The following RASA3 variants were observed in gnomAD, a reference collection of about 807,000 sequenced individuals.
RASA3 encodes the protein RAS p21 protein activator 3, also known as ras GTPase-activating protein 3.
RASA3 carries 73 observed loss-of-function variants against 110.0 expected under a neutral mutation model. That is an observed-to-expected ratio of 0.66 (90% CI 0.55 to 0.81). The LOEUF is 0.81. Ranked by LOEUF, RASA3 falls within the 30% of genes least tolerant of loss-of-function variation. The pLI is 0.00. For synonymous variants in RASA3, 500 were observed against 451.4 expected (o/e 1.11, Z -1.37); for missense variants, 976 against 1,113.2 (o/e 0.88, Z 1.75).
intron 1 of RASA3, among the ~76,000 whole-genome samples, chr13:114,120,722 G>A (rs1345670934): frequency 6.6e-6 from 1 of 152,248 alleles, no homozygotes; most frequent in African/African-American, 2.4e-5. Context: ...AGATAACACG[G>A]AAAGGGACTT....
At chr13:114,131,181 G>A (rs2080513043) in intron 1 of RASA3, among the ~76,000 whole-genome samples, 1 of 152,216 alleles carries the variant, frequency 6.6e-6, no homozygotes, top group South Asian at 2.1e-4. Context: ...GAAACAGCCC[G>A]CTGGTTTAGG....
In RASA3 at chr13:114,011,849, G is replaced by A. The variant is rs1250546359; in HGVS notation, c.1513-601C>T. On this transcript the variant is annotated intron_variant, in intron 15 of 23. Coordinates refer to ENST00000334062, the MANE Select transcript of RASA3 (RefSeq NM_007368.4). The surrounding 1 kb of genome is among the most constrained non-coding windows in gnomAD (Gnocchi z 4.8). ...ACGCACGAGAATTGCTTGAACCCAG[G>A]AGGCAGAGGTTGCAGTGAGCTGAGA... Among the ~76,000 whole-genome samples, 1 of 152,066 alleles carries A rather than the reference G, an allele frequency of 6.6e-6. No homozygotes were observed. Among genetic ancestry groups the A allele is most frequent in the African/African-American group, 2.4e-5 (1 of 41,374 alleles).
Position 114,007,973 on chromosome 13 carries a change from C to T in RASA3, c.1669-367G>A, listed in dbSNP as rs74364735. Among the ~76,000 whole-genome samples, 719 of 116,910 alleles carry T rather than the reference C, an allele frequency of 6.2e-3. 18 individuals are homozygous for T. The highest frequency in any genetic ancestry group is 0.011 in the Non-Finnish European group (572 of 54,020). The allele number at this position is 116,910 out of a possible 152,430, so 76.7% of individuals were successfully genotyped here. ...AGCCCTGGGGCCTGGAGGTTGCCCC[C>T]ACGCACCGCGTTCCTGACTGTGGGG... On this transcript the variant is annotated intron_variant, in intron 17 of 23. Coordinates refer to ENST00000334062, the MANE Select transcript of RASA3 (RefSeq NM_007368.4).
chr13:114,026,173 C>T (rs751226379), intron 7 of RASA3, among the ~76,000 whole-genome samples: 2 of 152,220 alleles, frequency 1.3e-5, no homozygotes, highest in African/African-American at 2.4e-5. Context: ...ACACTGCAAG[C>T]GTGATGAGCA....
At chr13:114,037,090 C>T (rs765583681) in intron 4 of RASA3, among the ~76,000 whole-genome samples, 38 of 152,308 alleles carry the variant, frequency 2.5e-4, no homozygotes, top group South Asian at 1.0e-3. Flanking sequence ...GAGAGTCAGG[C>T]TTGGAGGACG....
In RASA3 at chr13:114,073,893, T is replaced by G. The variant is rs2079622908; in HGVS notation, c.56-56A>C. On this transcript the variant is annotated intron_variant, in intron 1 of 23. Transcript: ENST00000334062. ...CAGCGTAGAAATGTTTGTTCCCTGCTACATCGCAGACACGTTTCCAGCCTT... is the reference window on the plus strand; with the variant it reads ...CAGCGTAGAAATGTTTGTTCCCTGCGACATCGCAGACACGTTTCCAGCCTT... The G allele has an allele frequency of 2.1e-6, 3 of 1,405,890 alleles. No homozygotes were observed. In the African/African-American group the frequency reaches 4.2e-5, roughly 20 times the overall value. 87.1% of individuals were successfully genotyped at this position (1,405,890 alleles called of 1,614,324 possible).
intron 1 of RASA3, among the ~76,000 whole-genome samples, chr13:114,106,832 G>A (rs1057101916): frequency 2.0e-5 from 3 of 152,184 alleles, no homozygotes; most frequent in Non-Finnish European, 4.4e-5. Flanking sequence ...TATATGCTGC[G>A]TCCCATTTAG....
chr13:114,080,694 A>ACTGAAACAGGGGTCTCCCCCAGGGGCCC (rs2079771205), intron 1 of RASA3, among the ~76,000 whole-genome samples: 1 of 151,864 alleles, frequency 6.6e-6, no homozygotes, highest in Non-Finnish European at 1.5e-5. Context: ...CCCAGGGGCC[A>ACTGAAACAGGGGTCTCCCCCAGGGGCCC]CTGAAACAGG....
At chr13:114,093,887 G>T (rs888989615) in intron 1 of RASA3, among the ~76,000 whole-genome samples, 3 of 151,764 alleles carry the variant, frequency 2.0e-5, no homozygotes, top group Non-Finnish European at 4.4e-5. Flanking sequence ...TCTGCTCTAA[G>T]ATTTCCATTT....
intron 3 of RASA3, among the ~76,000 whole-genome samples, chr13:114,043,213 G>A (rs1280943291): frequency 6.6e-6 from 1 of 152,220 alleles, no homozygotes; most frequent in African/African-American, 2.4e-5. Flanking sequence ...ACATGATGGA[G>A]CACCACATGG....
intron 3 of RASA3, among the ~76,000 whole-genome samples, chr13:114,041,357 G>A (rs2054402814): frequency 6.6e-6 from 1 of 152,266 alleles, no homozygotes; most frequent in South Asian, 2.1e-4. Flanking sequence ...TGGTGGCACT[G>A]TATCTCTAAA....
chr13:114,011,918 C>G lies in RASA3; in HGVS notation c.1513-670G>C, dbSNP rs1196369601. ...GCCTGGTGACAGAGCAAGACTCTGT[C>G]TCAAAAAAAAAGAAGTGCTGGGGAA... On this transcript the variant is annotated intron_variant, in intron 15 of 23. Transcript: ENST00000334062. This position sits in a 1 kb window ranked among gnomAD's most constrained non-coding sequence, Gnocchi z 4.8. Among the ~76,000 whole-genome samples, 1 of 151,138 alleles carries G rather than the reference C, an allele frequency of 6.6e-6. No individual in the cohort carries two copies. The highest frequency in any genetic ancestry group is 1.5e-5 in the Non-Finnish European group (1 of 67,798).
At chr13:114,087,454 C>T (rs1013000738) in intron 1 of RASA3, among the ~76,000 whole-genome samples, 6 of 152,232 alleles carry the variant, frequency 3.9e-5, no homozygotes, top group African/African-American at 1.2e-4. Flanking sequence ...CAGGAGTCCA[C>T]GCAGAGACCT....
chr13:114,071,563 T>C (rs1174425790), intron 2 of RASA3, among the ~76,000 whole-genome samples: 1 of 152,228 alleles, frequency 6.6e-6, no homozygotes. Flanking sequence ...TCCCATTTTC[T>C]TCAGAAGAAT....
intron 3 of RASA3, among the ~76,000 whole-genome samples, 199 bp from the exon 4 acceptor site, chr13:114,041,293 T>C (rs769195136): frequency 1.4e-4 from 22 of 152,272 alleles, no homozygotes; most frequent in Non-Finnish European, 3.1e-4. Context: ...GAGACCAGCC[T>C]GAGCGATATG....
rs1252913517 is a variant in RASA3 at position 114,132,475 on chromosome 13, G to A, written c.15C>T (p.Asp5=). The change falls in exon 1 of 24, where the codon GAC becomes GAT. Residue 5 remains aspartate, a synonymous_variant. Transcript: ENST00000334062. The part of the protein sequence containing the change: MAVE[D]EGLRVFQSVK... Reference sequence around the variant, plus strand: ...CGCTCTGGAAGACCCGGAGCCCCTCGTCCTCCACCGCCATGCTGCGCGTCC... The same window carrying A: ...CGCTCTGGAAGACCCGGAGCCCCTCATCCTCCACCGCCATGCTGCGCGTCC... 2.0e-6 allele frequency: 3 copies of A among 1,504,696 alleles called. No homozygotes were observed. Among genetic ancestry groups the A allele is most frequent in the African/African-American group, 2.9e-5 (2 of 69,488 alleles). The allele number at this position is 1,504,696 out of a possible 1,614,324, so 93.2% of individuals were successfully genotyped here.
At chr13:114,019,516 G>A (rs2053869957) in intron 9 of RASA3, among the ~76,000 whole-genome samples, 2 of 150,408 alleles carry the variant, frequency 1.3e-5, no homozygotes, top group Non-Finnish European at 1.5e-5. Flanking sequence ...CCCCCATCAG[G>A]TGGGTGGAGC....
In RASA3 at chr13:114,048,911, C is replaced by T. The variant is rs1438098211; in HGVS notation, c.277+3141G>A. Among the ~76,000 whole-genome samples the T allele has an allele frequency of 6.6e-6, 1 of 152,056 alleles. No homozygotes were observed. The highest frequency in any genetic ancestry group is 1.5e-5 in the Non-Finnish European group (1 of 68,014). ...GGCTGAGGGCAGGCCTTTATTTCCC[C>T]AAGTCTCACTTGCCGGGGCGCCGTA... On this transcript the variant is annotated intron_variant, in intron 3 of 23. Coordinates refer to ENST00000334062, the MANE Select transcript of RASA3 (RefSeq NM_007368.4). The surrounding 1 kb of genome is among the most constrained non-coding windows in gnomAD (Gnocchi z 4.3).
intron 1 of RASA3, among the ~76,000 whole-genome samples, chr13:114,117,540 G>A (rs1478956133): frequency 6.8e-6 from 1 of 147,744 alleles, no homozygotes; most frequent in Non-Finnish European, 1.5e-5. Flanking sequence ...GGGTGCACAT[G>A]TGTGAGGGGA....
Sources: allele counts gnomAD v4.1 joint callset (sites outside exome capture counted in the v4.1 genomes callset), GRCh38; gene constraint gnomAD v4.1.1; non-coding constraint Gnocchi (gnomAD v3.1); transcripts MANE v1.5; gene names NCBI Gene and HGNC (gene_info 2026-07-23, HGNC 2026-07-21).